The following RTTN variants were observed in gnomAD, a reference collection of about 807,000 sequenced individuals.
The protein encoded by RTTN is rotatin.
In RTTN, 182 loss-of-function variants were observed where a neutral mutation model predicts 269.2. That is an observed-to-expected ratio of 0.68 (90% confidence interval 0.60 to 0.76). The LOEUF (loss-of-function observed/expected upper bound fraction) is 0.76, where lower values mean the gene tolerates loss of function less well. Ranked by LOEUF, RTTN falls within the 30% of genes least tolerant of loss-of-function variation. The probability of loss-of-function intolerance (pLI) is 0.00; values close to 1 mark genes in which losing one functional copy is unlikely to be tolerated. For missense variants in RTTN, 2,545 were observed against 2,608.6 expected, an observed-to-expected ratio of 0.98 and a Z score of 0.53; for synonymous variants, 1,006 against 963.5, an observed-to-expected ratio of 1.04 and a Z score of -0.82.
At chr18:70,029,981 A>G in intron 42 of RTTN, 31 bp downstream of exon 42, 2 of 1,477,488 alleles carry the variant, frequency 1.4e-6, no homozygotes, top group Non-Finnish European at 9.4e-7. Flanking sequence ...TGGTCTCTAT[A>G]TATAGCCATT....
In RTTN at chr18:70,125,322, A is replaced by G. The variant is rs1393448111; in HGVS notation, c.3383+2180T>C. ...TTGCTAATATCATTTTTTAGTAAAAAATTAAATATAACTTCAAAATATAAT... is the reference window on the plus strand; with the variant it reads ...TTGCTAATATCATTTTTTAGTAAAAGATTAAATATAACTTCAAAATATAAT... On this transcript the variant is annotated intron_variant, in intron 25 of 48. Coordinates refer to ENST00000640769, the MANE Select transcript of RTTN (RefSeq NM_173630.4). 4.6e-5 allele frequency among the ~76,000 whole-genome samples: 7 copies of G among 152,084 alleles called. No individual in the cohort carries two copies. The East Asian group carries it at 1.3e-3, about 29-fold the overall frequency.
intron 11 of RTTN, among the ~76,000 whole-genome samples, chr18:70,172,246 T>A (rs918157112): frequency 1.3e-5 from 2 of 152,192 alleles, no homozygotes; most frequent in Admixed American, 6.5e-5. Flanking sequence ...AATATCAGTT[T>A]CAAAACAGGC....
chr18:70,048,456 G>A (rs1185342961), intron 39 of RTTN, among the ~76,000 whole-genome samples: 4 of 152,202 alleles, frequency 2.6e-5, no homozygotes, highest in African/African-American at 9.7e-5. Flanking sequence ...ACTTAATACA[G>A]AGTGGAAAGA....
chr18:70,070,730 C>T (rs76575660), intron 34 of RTTN, among the ~76,000 whole-genome samples: 2,474 of 152,254 alleles, frequency 0.016, 65 homozygotes, highest in African/African-American at 0.057. Flanking sequence ...CTTTCCGTCC[C>T]ACATTCTACT....
chr18:70,101,563 T>C (rs1011913937), intron 28 of RTTN, among the ~76,000 whole-genome samples: 2 of 152,210 alleles, frequency 1.3e-5, no homozygotes, highest in African/African-American at 4.8e-5. Flanking sequence ...AGGGTTTTTG[T>C]GTCTGTACCT....
chr18:70,139,828 T>G (rs184574720), intron 20 of RTTN, 112 bp from the exon 21 acceptor site: 230 of 717,068 alleles, frequency 3.2e-4, no homozygotes, highest in Middle Eastern at 5.1e-4. Flanking sequence ...CAAAATTATC[T>G]GAAACTAAAA....
At chr18:70,202,426 C>A (rs779292248) in intron 3 of RTTN, among the ~76,000 whole-genome samples, 1 of 152,092 alleles carries the variant, frequency 6.6e-6, no homozygotes, top group Non-Finnish European at 1.5e-5. Context: ...CTATAACATG[C>A]GATTATATGT....
At chr18:70,006,112 T>C (rs2056177629) in intron 47 of RTTN, 1 of 320,580 alleles carries the variant, frequency 3.1e-6, no homozygotes, top group East Asian at 5.5e-5. Flanking sequence ...AAAATTGCAA[T>C]AATAAAGTAA....
intron 14 of RTTN, among the ~76,000 whole-genome samples, chr18:70,161,756 C>T (rs1258652696): frequency 1.3e-5 from 2 of 152,080 alleles, no homozygotes; most frequent in East Asian, 3.9e-4. Context: ...TGCTCAATAT[C>T]ACTAATCATT....
chr18:70,176,825 C>T lies in RTTN; in HGVS notation c.1326G>A (p.Val442=), dbSNP rs369878544. Residue 442 remains valine, a synonymous_variant, in exon 11 of 49, where the codon GTG becomes GTA. Transcript: ENST00000640769. The stretch of plus-strand genomic sequence containing the variant: ...ACATGGTTTCTCCAAGGGCTCCCAA[C>T]ACCAGGAGTAGTTTCTCCTTCTGAA... ...GIDMKEKLLL[V]LGALGETMCY... is the part of the protein sequence containing the mutation. The T allele has an allele frequency of 6.2e-7, 1 of 1,613,368 alleles. No homozygotes were observed. Among genetic ancestry groups the T allele is most frequent in the East Asian group, 2.2e-5 (1 of 44,848 alleles).
chr18:70,186,191 G>A (rs2061542951), intron 10 of RTTN, among the ~76,000 whole-genome samples: 1 of 152,006 alleles, frequency 6.6e-6, no homozygotes, highest in South Asian at 2.1e-4. Context: ...TCCACCAACA[G>A]GTGAATGGAT....
At chr18:70,143,847 A>G (rs543737817) in intron 18 of RTTN, among the ~76,000 whole-genome samples, 39 of 152,094 alleles carry the variant, frequency 2.6e-4, no homozygotes, top group Admixed American at 8.5e-4. Flanking sequence ...ATCATGTCAA[A>G]TAAGTTTTCC....
chr18:70,112,483 CAAAA>C (rs36147576), intron 27 of RTTN, among the ~76,000 whole-genome samples: 6 of 68,054 alleles, frequency 8.8e-5, no homozygotes, highest in Non-Finnish European at 1.3e-4. Context: ...AAATGGAAAG[CAAAA>C]AAAAAAAAAA....
chr18:70,006,328 G>C, intron 47 of RTTN, 53 bp downstream of exon 47: 1 of 1,250,764 alleles, frequency 8.0e-7, no homozygotes, highest in Non-Finnish European at 1.2e-6. Flanking sequence ...TTTATACCTG[G>C]GTTATACCTT....
chr18:70,067,128 C>A (rs955241581), intron 34 of RTTN, among the ~76,000 whole-genome samples: 6 of 151,368 alleles, frequency 4.0e-5, no homozygotes, highest in Non-Finnish European at 7.4e-5. Flanking sequence ...AGTATTAGAT[C>A]CAGATACTAA....
At position 70,140,149 on chromosome 18, in the gene RTTN, A is replaced by G. The variant is rs755753304; in HGVS notation, c.2621T>C (p.Ile874Thr). The change falls in exon 20 of 49, where the codon ATT becomes ACT. Residue 874 changes from isoleucine (I) to threonine (T), a missense_variant. Coordinates refer to ENST00000640769, the MANE Select transcript of RTTN (RefSeq NM_173630.4). ...ATTTAAATACTCAATTATTTTGTCA[A>G]TTAAGCATAACTTTTTCACCACAGC... Reference protein sequence around the residue: ...MHAVVKKLCLIDKIIEYLNEC... With the variant: ...MHAVVKKLCLTDKIIEYLNEC... 1.1e-5 allele frequency: 18 copies of G among 1,602,532 alleles called. No individual in the cohort carries two copies. Among genetic ancestry groups the G allele is most frequent in the Admixed American group, 5.0e-5 (3 of 59,700 alleles).
chr18:70,151,946 T>C (rs545490827), intron 14 of RTTN, among the ~76,000 whole-genome samples: 1 of 152,304 alleles, frequency 6.6e-6, no homozygotes, highest in East Asian at 1.9e-4. Context: ...TACTTCCTCA[T>C]TTGCCAAACC....
At chr18:70,007,030 G>C (rs141916730) in intron 46 of RTTN, 1,883 of 152,706 alleles carry the variant, frequency 0.012, 23 homozygotes, top group South Asian at 0.037. Flanking sequence ...CAGAAGGCGG[G>C]TGATTTCTGC....
intron 44 of RTTN, 39 bp from the exon 45 acceptor site, chr18:70,020,856 TC>T: frequency 1.3e-6 from 2 of 1,551,766 alleles, no homozygotes; most frequent in Non-Finnish European, 1.8e-6. Flanking sequence ...CTTCTCAGTT[TC>T]CCTGTTTAGT....
Sources: allele counts gnomAD v4.1 joint callset (sites outside exome capture counted in the v4.1 genomes callset), GRCh38; gene constraint gnomAD v4.1.1; transcripts MANE v1.5; gene names NCBI Gene and HGNC (gene_info 2026-07-23, HGNC 2026-07-21).